Variants in TRAPPC8 observed in about 807,000 individuals in gnomAD.
TRAPPC8 encodes trafficking protein particle complex subunit 8, also known as general sporulation gene 1 homolog.
TRAPPC8 carries 54 observed loss-of-function variants against 174.3 expected under a neutral mutation model. The observed-to-expected ratio is 0.31, with a 90% CI of 0.25 to 0.39. The LOEUF (loss-of-function observed/expected upper bound fraction) is 0.39. TRAPPC8 is among the 10% of genes least tolerant of loss of function. The probability of loss-of-function intolerance (pLI) is 1.00; values close to 1 mark genes in which losing one functional copy is unlikely to be tolerated. For missense variants in TRAPPC8, 1,531 were observed against 1,699.1 expected (o/e 0.90, Z 1.74); for synonymous variants, 630 against 579.9 (o/e 1.09, Z -1.24).
At chr18:31,849,871 T>C in intron 24 of TRAPPC8, 132 bp from the exon 25 acceptor site, 5 of 725,232 alleles carry the variant, frequency 6.9e-6, no homozygotes, top group Non-Finnish European at 1.0e-5. Flanking sequence ...ATACCCAAAA[T>C]ACTTATTCAA....
chr18:31,915,458 A>T, intron 4 of TRAPPC8, among the ~76,000 whole-genome samples: 1 of 120,644 alleles, frequency 8.3e-6, no homozygotes, highest in Admixed American at 8.3e-5. Context: ...GTGAAACCCC[A>T]TCAAAAAAAA....
chr18:31,916,143 A>T, intron 4 of TRAPPC8, 129 bp downstream of exon 4: 1 of 616,708 alleles, frequency 1.6e-6, no homozygotes. Flanking sequence ...TAAATGCTTT[A>T]TTAATAAAAT....
chr18:31,942,551 C>A (rs1598778165), intron 1 of TRAPPC8, 57 bp downstream of exon 1: 2 of 1,475,442 alleles, frequency 1.4e-6, no homozygotes, highest in East Asian at 2.6e-5. Context: ...CCCGCAACTT[C>A]CTTCTCCCGA....
chr18:31,927,007 G>T (rs560514368), intron 2 of TRAPPC8, among the ~76,000 whole-genome samples: 2 of 152,224 alleles, frequency 1.3e-5, no homozygotes, highest in Non-Finnish European at 2.9e-5. Context: ...ATCAATACCC[G>T]AGGAAAAGAC....
intron 2 of TRAPPC8, among the ~76,000 whole-genome samples, chr18:31,930,632 C>T (rs1283051074): frequency 6.6e-6 from 1 of 152,042 alleles, no homozygotes; most frequent in East Asian, 1.9e-4. Flanking sequence ...ATTCACTTTA[C>T]ATATTAATAT....
chr18:31,916,598 TCTCGA>T lies in TRAPPC8; in HGVS notation c.443-157_443-153del, dbSNP rs1255613292. 6 of 702,752 alleles carry T rather than the reference TCTCGA, an allele frequency of 8.5e-6. No individual in the cohort carries two copies. The African/African-American group carries it at 9.2e-5, about 11-fold the overall frequency. 43.5% of individuals were successfully genotyped at this position (702,752 alleles called of 1,614,324 possible). A position where few individuals can be genotyped will look rare whatever the true frequency, so the allele number is the denominator to read the frequency against. ...CCCAGGCTGGAGAGCAGTGGCGTGA[TCTCGA>T]CTCAACACAACCTCCGCCTCCCAGG... On this transcript the variant is annotated intron_variant, in intron 3 of 28. Transcript: ENST00000283351.
chr18:31,916,138 G>T, intron 4 of TRAPPC8, 134 bp downstream of exon 4: 1 of 581,762 alleles, frequency 1.7e-6, no homozygotes, highest in Non-Finnish European at 2.7e-6. Flanking sequence ...AAAGTTAAAT[G>T]CTTTATTAAT....
At chr18:31,900,857 G>GAAA (rs562971718) in intron 10 of TRAPPC8, 68 bp downstream of exon 10, 100 of 989,990 alleles carry the variant, frequency 1.0e-4, no homozygotes, top group South Asian at 3.2e-4. Context: ...TAGGAATGGG[G>GAAA]AAAAAAAAAA....
chr18:31,933,837 ACTGT>A (rs2037961333), intron 1 of TRAPPC8, among the ~76,000 whole-genome samples: 1 of 152,170 alleles, frequency 6.6e-6, no homozygotes, highest in African/African-American at 2.4e-5. Context: ...TTTTTAAAAT[ACTGT>A]ATGTGGTACA....
intron 19 of TRAPPC8, 77 bp from the exon 20 acceptor site, chr18:31,858,059 T>A: frequency 4.3e-6 from 1 of 234,434 alleles, no homozygotes; most frequent in Non-Finnish European, 6.3e-6. Flanking sequence ...TTTAAGACAC[T>A]TTTTTTTTTT....
rs759319765 is a variant in TRAPPC8 at position 31,870,937 on chromosome 18, G to C, written c.2246C>G (p.Ala749Gly). The C allele has an allele frequency of 2.0e-5, 31 of 1,565,106 alleles. No individual in the cohort carries two copies. Among genetic ancestry groups the C allele is most frequent in the Non-Finnish European group, 2.5e-5 (29 of 1,150,988 alleles). The stretch of plus-strand genomic sequence containing the variant: ...TTCAAGTATATCACCTTCTACAACT[G>C]CAAGTGGAAATCTTGAATTATCTGA... ...SYSDNSRFPL[A>G]VVEEPITVEV... Residue 749 changes from alanine (A) to glycine (G), a missense_variant, in exon 15 of 29, where the codon GCA becomes GGA. Transcript: ENST00000283351.
In TRAPPC8 at chr18:31,929,693, G is replaced by T. The variant is rs1177561189; in HGVS notation, c.352+1636C>A. Reference sequence around the variant, plus strand: ...AAAATACTATAAATAAAAATAAAAAGAAACACTAAGTGACTTATTCAGGTT... The same window carrying T: ...AAAATACTATAAATAAAAATAAAAATAAACACTAAGTGACTTATTCAGGTT... On this transcript the variant is annotated intron_variant, in intron 2 of 28. Transcript: ENST00000283351. Among the ~76,000 whole-genome samples the T allele has an allele frequency of 2.0e-5, 3 of 152,078 alleles. 1 individual carries two copies. Among genetic ancestry groups the T allele is most frequent in the South Asian group, 4.1e-4 (2 of 4,832 alleles).
At position 31,938,706 on chromosome 18, in the gene TRAPPC8, C is replaced by CT. The variant is rs1344343518; in HGVS notation, c.157+3901dup. On this transcript the variant is annotated intron_variant, in intron 1 of 28. Coordinates refer to ENST00000283351, the MANE Select transcript of TRAPPC8 (RefSeq NM_014939.5). ...CTTTTTTAACATATTTTTTCTCCCT[C>CT]TAAGGAAATGTTAGCTGGTTTTAGT... 3.3e-5 allele frequency among the ~76,000 whole-genome samples: 5 copies of CT among 152,272 alleles called. No homozygotes were observed. In the East Asian group the frequency reaches 9.6e-4, roughly 29 times the overall value.
intron 11 of TRAPPC8, among the ~76,000 whole-genome samples, chr18:31,894,473 GA>G (rs147324270): frequency 0.029 from 4,416 of 150,672 alleles, 222 homozygotes; most frequent in African/African-American, 0.1. Context: ...AAGAAACTAA[GA>G]AAAAAAAATC....
At chr18:31,866,260 T>C (rs980914794) in intron 18 of TRAPPC8, among the ~76,000 whole-genome samples, 2 of 152,146 alleles carry the variant, frequency 1.3e-5, no homozygotes, top group Non-Finnish European at 2.9e-5. Flanking sequence ...TACATGGTAA[T>C]GTTAAATCTT....
chr18:31,838,661 A>G (rs1201298112), intron 27 of TRAPPC8, among the ~76,000 whole-genome samples: 2 of 152,114 alleles, frequency 1.3e-5, no homozygotes, highest in Admixed American at 6.5e-5. Flanking sequence ...TGATCTCCTT[A>G]TTGTCAGATC....
intron 27 of TRAPPC8, among the ~76,000 whole-genome samples, chr18:31,838,264 A>T (rs956318937): frequency 4.6e-5 from 7 of 152,166 alleles, no homozygotes; most frequent in African/African-American, 1.4e-4. Context: ...CTTTTTTCAA[A>T]TTCTCTACCC....
chr18:31,874,649 C>G lies in TRAPPC8; in HGVS notation c.1784G>C (p.Gly595Ala). 4 of 1,614,024 alleles carry G rather than the reference C, an allele frequency of 2.5e-6. No homozygotes were observed. Among genetic ancestry groups the G allele is most frequent in the Non-Finnish European group, 3.4e-6 (4 of 1,179,976 alleles). Residue 595 changes from glycine (G) to alanine (A), a missense_variant, in exon 13 of 29, where the codon GGC becomes GCC. By Grantham distance (60) the Gly-to-Ala change is moderately conservative. Transcript: ENST00000283351. ...CQAMQVYKGK[G>A]WSLAEDHINF... The stretch of plus-strand genomic sequence containing the variant: ...AATGTGATCCTCTGCAAGAGACCAG[C>G]CTTTTCCTTTGTAAACTTGCATGGC...
intron 2 of TRAPPC8, among the ~76,000 whole-genome samples, chr18:31,920,425 C>A (rs1011675358): frequency 1.3e-5 from 2 of 152,128 alleles, no homozygotes; most frequent in Admixed American, 6.6e-5. Flanking sequence ...ACCCATATAT[C>A]CTACATAGTC....
Sources: allele counts gnomAD v4.1 joint callset (sites outside exome capture counted in the v4.1 genomes callset), GRCh38; gene constraint gnomAD v4.1.1; transcripts MANE v1.5; gene names NCBI Gene and HGNC (gene_info 2026-07-23, HGNC 2026-07-21).